Variants in CERS4 observed in about 807,000 individuals in gnomAD.
CERS4 encodes ceramide synthase 4, also known as LAG1 homolog, ceramide synthase 4.
CERS4 carries 65 observed loss-of-function variants against 51.8 expected under a neutral mutation model. The observed-to-expected ratio is 1.26, with a 90% CI of 1.03 to 1.54. The LOEUF (loss-of-function observed/expected upper bound fraction) is 1.54, where lower values mean the gene tolerates loss of function less well. Among genes scored for constraint, CERS4 ranks in the 40% most tolerant of loss-of-function variants. The probability of loss-of-function intolerance (pLI) is 0.00; values close to 1 mark genes in which losing one functional copy is unlikely to be tolerated. For synonymous variants in CERS4, 228 were observed against 208.4 expected, an observed-to-expected ratio of 1.09 and a Z score of -0.81; for missense variants, 563 against 500.4, an observed-to-expected ratio of 1.13 and a Z score of -1.19.
chr19:8,221,715 A>G (rs1424996486), intron 2 of CERS4, among the ~76,000 whole-genome samples: 1 of 149,992 alleles, frequency 6.7e-6, no homozygotes, highest in Admixed American at 6.7e-5. Context: ...TTGTATTATT[A>G]GTAGAGACGA....
At position 8,249,707 on chromosome 19, in the gene CERS4, C is replaced by T. The variant is rs888506095; in HGVS notation, c.-1-1369C>T. On this transcript the variant is annotated intron_variant, in intron 2 of 11. Transcript: ENST00000251363. ...CCCGGGTTCAAGCAATTCTCTGCCT[C>T]AGCCTCCCGAGTAGCTGGGATTACA... is the stretch of plus-strand genomic sequence containing the variant. Among the ~76,000 whole-genome samples the T allele has an allele frequency of 4.1e-5, 6 of 147,236 alleles. No homozygotes were observed. In the East Asian group the frequency reaches 1.2e-3, roughly 30 times the overall value.
At chr19:8,247,486 C>T (rs959591174) in intron 2 of CERS4, among the ~76,000 whole-genome samples, 1 of 152,004 alleles carries the variant, frequency 6.6e-6, no homozygotes, top group African/African-American at 2.4e-5. Context: ...GTGGTGTGAT[C>T]GTAGCTCCCT....
chr19:8,216,157 T>A (rs1414979858), intron 2 of CERS4, among the ~76,000 whole-genome samples: 17 of 151,874 alleles, frequency 1.1e-4, no homozygotes, highest in Admixed American at 1.1e-3. Context: ...GGTGGGCAGA[T>A]CACCTGAGGC....
At chr19:8,231,420 C>T (rs1345268731) in intron 2 of CERS4, among the ~76,000 whole-genome samples, 3 of 152,198 alleles carry the variant, frequency 2.0e-5, no homozygotes, top group Non-Finnish European at 2.9e-5. Flanking sequence ...CAGATGAAAT[C>T]TTGGCCTAGT....
At chr19:8,245,113 A>AGAAAACAAAAAAAAC (rs1555777208) in intron 2 of CERS4, among the ~76,000 whole-genome samples, 1 of 109,106 alleles carries the variant, frequency 9.2e-6, no homozygotes, top group South Asian at 2.8e-4. Flanking sequence ...CTCCATCTCA[A>AGAAAACAAAAAAAAC]AAAAAAAAAA....
intron 3 of CERS4, among the ~76,000 whole-genome samples, 177 bp from the exon 4 acceptor site, chr19:8,254,322 C>CCAAA (rs1555779245): frequency 2.6e-5 from 1 of 38,772 alleles, no homozygotes; most frequent in African/African-American, 7.9e-5. Flanking sequence ...TACTCTGTCT[C>CCAAA]AAAAAAAAAA....
At chr19:8,235,596 T>A (rs889172834) in intron 2 of CERS4, among the ~76,000 whole-genome samples, 1 of 151,048 alleles carries the variant, frequency 6.6e-6, no homozygotes, top group Non-Finnish European at 1.5e-5. Context: ...AAAATACAAC[T>A]TCTAGTTCAG....
intron 2 of CERS4, among the ~76,000 whole-genome samples, chr19:8,247,850 CAGCCTCTCAAG>C (rs1968859192): frequency 6.6e-6 from 1 of 151,906 alleles, no homozygotes; most frequent in Non-Finnish European, 1.5e-5. Flanking sequence ...TCTCCTGCCT[CAGCCTCTCAAG>C]TAGCTGGGGT....
intron 10 of CERS4, among the ~76,000 whole-genome samples, chr19:8,259,500 G>A (rs1401805404): frequency 6.6e-6 from 1 of 152,128 alleles, no homozygotes; most frequent in East Asian, 1.9e-4. Context: ...TAAGCAGAGG[G>A]ATTCAATCTG....
intron 2 of CERS4, among the ~76,000 whole-genome samples, chr19:8,227,211 A>G (rs77460574): frequency 0.017 from 2,627 of 152,224 alleles, 41 homozygotes; most frequent in Non-Finnish European, 0.027. Flanking sequence ...TCCTGTATCA[A>G]CCCTGTCTCC....
Position 8,256,619 on chromosome 19 carries a change from C to T in CERS4, c.521C>T (p.Thr174Ile), listed in dbSNP as rs1302892664. The change falls in exon 8 of 12, where the codon ACT (threonine) becomes ATT (isoleucine). Residue 174 changes from threonine to isoleucine, a missense_variant and splice_region_variant. Coordinates refer to ENST00000251363, the MANE Select transcript of CERS4 (RefSeq NM_024552.3). ...VMCWDRYPNQ[T>I]LKPSLYWWYL... is the part of the protein sequence containing the mutation. ...TAACCTTGTCCTGTCCTGCTGCAGA[C>T]TCTGAAGCCATCCCTGTACTGGTGG... 1.2e-6 allele frequency: 2 copies of T among 1,611,624 alleles called. No individual in the cohort carries two copies. Among genetic ancestry groups the T allele is most frequent in the Admixed American group, 1.7e-5 (1 of 59,350 alleles).
intron 2 of CERS4, among the ~76,000 whole-genome samples, chr19:8,232,511 C>G (rs868597377): frequency 6.6e-6 from 1 of 151,826 alleles, no homozygotes; most frequent in African/African-American, 2.4e-5. Flanking sequence ...AGGCTGATCT[C>G]GAACTCCCGA....
At chr19:8,229,553 G>T (rs1599533419) in intron 2 of CERS4, among the ~76,000 whole-genome samples, 1 of 151,888 alleles carries the variant, frequency 6.6e-6, no homozygotes, top group African/African-American at 2.4e-5. Context: ...GATGACAGGT[G>T]CCTGCCACCA....
In CERS4 at chr19:8,256,619, C is replaced by A; in HGVS notation, c.521C>A (p.Thr174Asn). 1 of 1,611,624 alleles carries A rather than the reference C, an allele frequency of 6.2e-7. No homozygotes were observed. The highest frequency in any genetic ancestry group is 8.5e-7 in the Non-Finnish European group (1 of 1,178,940). ...VMCWDRYPNQ[T>N]LKPSLYWWYL... Reference sequence around the variant, plus strand: ...TAACCTTGTCCTGTCCTGCTGCAGACTCTGAAGCCATCCCTGTACTGGTGG... The same window carrying A: ...TAACCTTGTCCTGTCCTGCTGCAGAATCTGAAGCCATCCCTGTACTGGTGG... The change falls in exon 8 of 12, where the codon ACT becomes AAT. Residue 174 changes from threonine (T) to asparagine (N), a missense_variant and splice_region_variant. Thr to Asn is a moderately conservative substitution (Grantham distance 65, BLOSUM62 0). Transcript: ENST00000251363.
At chr19:8,251,583 G>A (rs1158585587) in intron 3 of CERS4, among the ~76,000 whole-genome samples, 4 of 152,172 alleles carry the variant, frequency 2.6e-5, no homozygotes, top group Admixed American at 1.3e-4. Context: ...AGGCTGAGGC[G>A]GGTGGATCAC....
At chr19:8,261,554 A>C in intron 10 of CERS4, 134 bp from the exon 11 acceptor site, 1 of 988,190 alleles carries the variant, frequency 1.0e-6, no homozygotes, top group Non-Finnish European at 1.5e-6. Flanking sequence ...AGTGTTAGGT[A>C]TCATGGGGTG....
intron 2 of CERS4, among the ~76,000 whole-genome samples, chr19:8,231,851 A>ATTTTTTTT (rs3042169): frequency 0.012 from 1,214 of 104,358 alleles, 63 homozygotes; most frequent in Non-Finnish European, 0.018. Context: ...TGTGCCCAGC[A>ATTTTTTTT]TTTTTTTTTT....
intron 2 of CERS4, among the ~76,000 whole-genome samples, chr19:8,249,585 GGA>G (rs1968965144): frequency 1.2e-5 from 1 of 80,070 alleles, no homozygotes; most frequent in African/African-American, 4.6e-5. Context: ...AAGGAACTCT[GGA>G]TTTTTTTTTT....
intron 2 of CERS4, among the ~76,000 whole-genome samples, chr19:8,247,432 T>C (rs1004233126): frequency 6.6e-6 from 1 of 152,098 alleles, no homozygotes; most frequent in African/African-American, 2.4e-5. Flanking sequence ...TCTCATCTTT[T>C]TTTTTCTCAT....
Sources: gnomAD v4.1 joint callset for allele counts (sites outside exome capture counted in the v4.1 genomes callset) on GRCh38, gnomAD v4.1.1 for gene constraint, MANE v1.5 for transcripts, NCBI Gene and HGNC (gene_info 2026-07-23, HGNC 2026-07-21) for gene names.